Variants in EFNA5 observed in about 807,000 individuals in gnomAD.
EFNA5 encodes the protein ephrin-A5.
Under a neutral mutation model 22.9 loss-of-function variants are expected in EFNA5, and 5 were observed. The observed-to-expected ratio is 0.22, with a 90% CI of 0.11 to 0.46. The LOEUF is 0.46. EFNA5 is among the 20% of genes least tolerant of loss of function. EFNA5 has a pLI of 0.99. For missense variants in EFNA5, 237 were observed against 293.3 expected, an observed-to-expected ratio of 0.81 and a Z score of 1.40; for synonymous variants, 113 against 112.2, an observed-to-expected ratio of 1.01 and a Z score of -0.04.
chr5:107,464,711 A>G (rs1420260690), intron 1 of EFNA5, among the ~76,000 whole-genome samples: 1 of 152,302 alleles, frequency 6.6e-6, no homozygotes, highest in Non-Finnish European at 1.5e-5. Flanking sequence ...GGAGTTGCCC[A>G]TAGGCTCAAA....
chr5:107,546,479 C>A (rs1748157649), intron 1 of EFNA5, among the ~76,000 whole-genome samples: 1 of 152,228 alleles, frequency 6.6e-6, no homozygotes, highest in South Asian at 2.1e-4. Context: ...AGCATATGTA[C>A]TGCGTCCGAA....
At chr5:107,573,004 G>A (rs555693655) in intron 1 of EFNA5, among the ~76,000 whole-genome samples, 24 of 152,170 alleles carry the variant, frequency 1.6e-4, no homozygotes, top group Admixed American at 7.9e-4. Context: ...CTGCCAAGAC[G>A]TTCAGCTAGG....
At chr5:107,569,933 C>T (rs1748759783) in intron 1 of EFNA5, among the ~76,000 whole-genome samples, 1 of 150,480 alleles carries the variant, frequency 6.6e-6, no homozygotes, top group Non-Finnish European at 1.5e-5. Context: ...AGCAAGTGTA[C>T]ACCACTTTTT....
chr5:107,642,835 G>A (rs1401657471), intron 1 of EFNA5, among the ~76,000 whole-genome samples: 1 of 151,920 alleles, frequency 6.6e-6, no homozygotes, highest in Non-Finnish European at 1.5e-5. Context: ...GTTCCATGGT[G>A]GAGAGTAGGA....
At chr5:107,615,763 T>C (rs1462081457) in intron 1 of EFNA5, among the ~76,000 whole-genome samples, 4 of 152,188 alleles carry the variant, frequency 2.6e-5, no homozygotes, top group Non-Finnish European at 5.9e-5. Flanking sequence ...CTCAGTCAGT[T>C]GGAGATATAA....
At chr5:107,488,951 A>G (rs957962338) in intron 1 of EFNA5, among the ~76,000 whole-genome samples, 3 of 152,104 alleles carry the variant, frequency 2.0e-5, no homozygotes, top group East Asian at 3.9e-4. Flanking sequence ...TTCACCTCCC[A>G]AAGTGCTAGG....
At chr5:107,548,474 A>C (rs897011674) in intron 1 of EFNA5, among the ~76,000 whole-genome samples, 1 of 152,238 alleles carries the variant, frequency 6.6e-6, no homozygotes, top group Non-Finnish European at 1.5e-5. Context: ...AATGCTGTAG[A>C]TATACCTTCA....
chr5:107,472,397 T>C (rs915606503), intron 1 of EFNA5, among the ~76,000 whole-genome samples: 1 of 152,180 alleles, frequency 6.6e-6, no homozygotes, highest in Non-Finnish European at 1.5e-5. Context: ...TTAGTGATGA[T>C]AAAAATTGTA....
chr5:107,415,138 C>T (rs1305940077), intron 2 of EFNA5, among the ~76,000 whole-genome samples: 1 of 152,058 alleles, frequency 6.6e-6, no homozygotes, highest in African/African-American at 2.4e-5. Flanking sequence ...GGAACAATAA[C>T]AGTGCCTAAC....
chr5:107,564,422 T>C (rs1468400477), intron 1 of EFNA5, among the ~76,000 whole-genome samples: 1 of 152,310 alleles, frequency 6.6e-6, no homozygotes, highest in African/African-American at 2.4e-5. Flanking sequence ...ATGTGCTTGA[T>C]GGTATTAGTT....
chr5:107,552,802 A>G (rs1748326532), intron 1 of EFNA5, among the ~76,000 whole-genome samples: 1 of 152,222 alleles, frequency 6.6e-6, no homozygotes, highest in African/African-American at 2.4e-5. Flanking sequence ...ACAGCTATCT[A>G]TGGTACAGTG....
chr5:107,637,312 C>A (rs1750393155), intron 1 of EFNA5, among the ~76,000 whole-genome samples: 1 of 152,194 alleles, frequency 6.6e-6, no homozygotes, highest in Admixed American at 6.5e-5. Context: ...TAAGTCATTT[C>A]AATCTATAAT....
intron 1 of EFNA5, among the ~76,000 whole-genome samples, chr5:107,594,290 T>A (rs1434822189): frequency 6.6e-6 from 1 of 152,136 alleles, no homozygotes; most frequent in Non-Finnish European, 1.5e-5. Context: ...AAAAATGTTG[T>A]AACTGAATGA....
At chr5:107,630,055 C>CAA (rs533897222) in intron 1 of EFNA5, among the ~76,000 whole-genome samples, 1 of 105,984 alleles carries the variant, frequency 9.4e-6, no homozygotes, top group Non-Finnish European at 2.0e-5. Context: ...GACTCCATCT[C>CAA]AAAAAAAAAA....
At chr5:107,393,240 T>C (rs573212175) in intron 2 of EFNA5, among the ~76,000 whole-genome samples, 3 of 152,292 alleles carry the variant, frequency 2.0e-5, no homozygotes, top group East Asian at 3.9e-4. Context: ...AAAAAACTCC[T>C]ATTAGTTATC....
intron 1 of EFNA5, among the ~76,000 whole-genome samples, chr5:107,477,781 G>C (rs1750352221): frequency 6.6e-6 from 1 of 151,820 alleles, no homozygotes; most frequent in South Asian, 2.1e-4. Context: ...TTTTAAGTTA[G>C]GTAAAAGTAA....
intron 1 of EFNA5, among the ~76,000 whole-genome samples, chr5:107,438,253 C>T (rs1749167411): frequency 6.6e-6 from 1 of 152,206 alleles, no homozygotes; most frequent in African/African-American, 2.4e-5. Flanking sequence ...AAACAAGACT[C>T]ACAAAAGGTT....
chr5:107,519,542 T>G (rs1235502181), intron 1 of EFNA5, among the ~76,000 whole-genome samples: 2 of 152,204 alleles, frequency 1.3e-5, no homozygotes, highest in African/African-American at 4.8e-5. Context: ...TAAACAGACA[T>G]GTAGGGTGTC....
At chr5:107,582,426 A>G (rs1211260555) in intron 1 of EFNA5, among the ~76,000 whole-genome samples, 1 of 152,200 alleles carries the variant, frequency 6.6e-6, no homozygotes, top group African/African-American at 2.4e-5. Context: ...AAGTGATTCA[A>G]TAAATGTTTA....
Sources: allele counts gnomAD v4.1 joint callset (sites outside exome capture counted in the v4.1 genomes callset), GRCh38; gene constraint gnomAD v4.1.1; transcripts MANE v1.5; gene names NCBI Gene and HGNC (gene_info 2026-07-23, HGNC 2026-07-21).